RAPGEF5: variants seen among roughly 807,000 people sequenced by gnomAD.
RAPGEF5 encodes the protein Rap guanine nucleotide exchange factor 5, also known as M-Ras-regulated GEF.
In RAPGEF5, 65 loss-of-function variants were observed where a neutral mutation model predicts 125.2. That is an observed-to-expected ratio of 0.52 (90% confidence interval 0.43 to 0.64). The LOEUF is 0.64. Among genes scored for constraint, RAPGEF5 ranks in the 30% least tolerant of loss-of-function variants. The pLI, the probability that RAPGEF5 is intolerant of heterozygous loss-of-function variation, is 0.00. For missense variants in RAPGEF5, 958 were observed against 1,048.1 expected (o/e 0.91, Z 1.19); for synonymous variants, 391 against 385.9 (o/e 1.01, Z -0.16).
chr7:22,233,822 C>T (rs975720061), intron 7 of RAPGEF5, among the ~76,000 whole-genome samples: 1 of 152,112 alleles, frequency 6.6e-6, no homozygotes, highest in African/African-American at 2.4e-5. Flanking sequence ...TCTAGCTTAT[C>T]CCCAACAACA....
intron 18 of RAPGEF5, among the ~76,000 whole-genome samples, chr7:22,147,858 T>C (rs948712044): frequency 6.6e-6 from 1 of 152,186 alleles, no homozygotes; most frequent in African/African-American, 2.4e-5. Flanking sequence ...ATAAATGACA[T>C]AGTAGGATAA....
chr7:22,200,616 T>A (rs1442560077), intron 9 of RAPGEF5, among the ~76,000 whole-genome samples: 1 of 152,204 alleles, frequency 6.6e-6, no homozygotes, highest in Non-Finnish European at 1.5e-5. Flanking sequence ...CTGACTTTTA[T>A]AGATATGAAA....
chr7:22,191,771 C>A (rs984504020), intron 11 of RAPGEF5: 2 of 414,728 alleles, frequency 4.8e-6, no homozygotes, highest in African/African-American at 4.1e-5. Flanking sequence ...GTAGTGGGAA[C>A]CTGTGAGCAC....
In RAPGEF5 at chr7:22,194,045, G is replaced by C. The variant is rs1233272954; in HGVS notation, c.997-12C>G. On this transcript the variant is annotated splice_polypyrimidine_tract_variant and intron_variant, in intron 9 of 25. Coordinates refer to ENST00000665637, the MANE Select transcript of RAPGEF5 (RefSeq NM_012294.5). Reference sequence around the variant, plus strand: ...ACTTCATCATCTTGCTTTAATTGTGGACAGGGATGATGGATGAGAGAAGGA... The same window carrying C: ...ACTTCATCATCTTGCTTTAATTGTGCACAGGGATGATGGATGAGAGAAGGA... 6.2e-7 allele frequency: 1 copy of C among 1,600,830 alleles called. No homozygotes were observed. The highest frequency in any genetic ancestry group is 8.5e-7 in the Non-Finnish European group (1 of 1,170,612).
intron 1 of RAPGEF5, among the ~76,000 whole-genome samples, chr7:22,318,372 T>C (rs763267236): frequency 6.6e-6 from 1 of 152,164 alleles, no homozygotes; most frequent in Non-Finnish European, 1.5e-5. Context: ...TCACCCTAAC[T>C]CAGGCCTTCA....
intron 24 of RAPGEF5, among the ~76,000 whole-genome samples, chr7:22,128,224 A>T (rs1269787029): frequency 6.6e-6 from 1 of 152,176 alleles, no homozygotes; most frequent in African/African-American, 2.4e-5. Context: ...ACATCGAGGG[A>T]TAAAGAGAAG....
chr7:22,195,614 T>C (rs1028032253), intron 9 of RAPGEF5, among the ~76,000 whole-genome samples: 28 of 152,190 alleles, frequency 1.8e-4, no homozygotes, highest in African/African-American at 6.5e-4. Flanking sequence ...GTAACATGAA[T>C]ACCAATGTGT....
rs1301722741 is a variant in RAPGEF5 at position 22,146,905 on chromosome 7, T to C, written c.1999A>G (p.Ile667Val). The C allele has an allele frequency of 1.9e-6, 3 of 1,609,294 alleles. No individual in the cohort carries two copies. Among genetic ancestry groups the C allele is most frequent in the Non-Finnish European group, 2.5e-6 (3 of 1,178,776 alleles). The change falls in exon 19 of 26, where the codon ATT (isoleucine) becomes GTT (valine). Residue 667 changes from isoleucine (I) to valine (V), a missense_variant. By Grantham distance (29) the Ile-to-Val change is conservative (BLOSUM62 3). Coordinates refer to ENST00000665637, the MANE Select transcript of RAPGEF5 (RefSeq NM_012294.5). ...MNFDWSLFNS[I>V]HEQELIYFTF... ...TGTCACTCCTCATTTACCTCGTGAA[T>C]TGAATTGAATAGACTCCAATCAAAA...
At chr7:22,208,133 C>T (rs757090370) in intron 9 of RAPGEF5, among the ~76,000 whole-genome samples, 2 of 152,172 alleles carry the variant, frequency 1.3e-5, no homozygotes, top group Non-Finnish European at 2.9e-5. Context: ...TTGGGGCTCA[C>T]ATCACACCTT....
At chr7:22,153,887 A>G (rs1411732872) in intron 17 of RAPGEF5, among the ~76,000 whole-genome samples, 6 of 152,216 alleles carry the variant, frequency 3.9e-5, no homozygotes, top group Non-Finnish European at 8.8e-5. Context: ...TCAGCTTGTA[A>G]TCTGTGTGAT....
chr7:22,180,291 C>T (rs147999462), intron 11 of RAPGEF5, among the ~76,000 whole-genome samples: 2 of 152,234 alleles, frequency 1.3e-5, no homozygotes, highest in East Asian at 1.9e-4. Flanking sequence ...GGGCATGTTG[C>T]TCCCCTGATA....
intron 1 of RAPGEF5, among the ~76,000 whole-genome samples, chr7:22,323,242 A>G (rs1462139952): frequency 6.6e-6 from 1 of 152,196 alleles, no homozygotes; most frequent in Non-Finnish European, 1.5e-5. Flanking sequence ...TTGACTTCCC[A>G]TTGTTAAAGG....
rs958091610 is a variant in RAPGEF5 at position 22,333,121 on chromosome 7, T to C, written c.232-15084A>G. Among the ~76,000 whole-genome samples the C allele has an allele frequency of 2.0e-5, 3 of 152,350 alleles. No individual in the cohort carries two copies. In the East Asian group the frequency reaches 5.8e-4, roughly 29 times the overall value. On this transcript the variant is annotated intron_variant, in intron 1 of 25. Transcript: ENST00000665637. The stretch of plus-strand genomic sequence containing the variant: ...CATATTAAATGCTAACATTTCACTA[T>C]AGTGATTCTATAATTCTCATGTTAA...
chr7:22,229,924 A>G (rs1306908248), intron 8 of RAPGEF5, among the ~76,000 whole-genome samples: 1 of 152,248 alleles, frequency 6.6e-6, no homozygotes, highest in East Asian at 1.9e-4. Context: ...TGTATGTCCT[A>G]CAGATACACA....
At chr7:22,146,645 A>C (rs1423589561) in intron 19 of RAPGEF5, among the ~76,000 whole-genome samples, 3 of 152,168 alleles carry the variant, frequency 2.0e-5, no homozygotes, top group Non-Finnish European at 4.4e-5. Flanking sequence ...ACATATATAT[A>C]TTTATATGCA....
chr7:22,124,157 T>TA (rs1469516352), intron 25 of RAPGEF5, among the ~76,000 whole-genome samples: 1 of 152,226 alleles, frequency 6.6e-6, no homozygotes, highest in African/African-American at 2.4e-5. Flanking sequence ...CACAAGTTAG[T>TA]ATAACTATCA....
At position 22,315,371 on chromosome 7, in the gene RAPGEF5, T is replaced by A; in HGVS notation, c.388A>T (p.Arg130Trp). 1.3e-6 allele frequency: 2 copies of A among 1,541,266 alleles called. No individual in the cohort carries two copies. The highest frequency in any genetic ancestry group is 1.8e-6 in the Non-Finnish European group (2 of 1,142,480). The change falls in exon 3 of 26, where the codon AGG becomes TGG. Residue 130 changes from arginine (R) to tryptophan (W), a missense_variant and splice_region_variant. Coordinates refer to ENST00000665637, the MANE Select transcript of RAPGEF5 (RefSeq NM_012294.5). ...KDRVNLKGFY[R>W]RSCVGSELVD... ...CAAGGTGTTAGAAAACTGTGTTACC[T>A]GTAAAACCCCTTGAGGTTCACTCTG... is the stretch of plus-strand genomic sequence containing the variant.
At chr7:22,191,223 A>G (rs1398073897) in intron 11 of RAPGEF5, among the ~76,000 whole-genome samples, 2 of 152,090 alleles carry the variant, frequency 1.3e-5, no homozygotes, top group Non-Finnish European at 2.9e-5. Flanking sequence ...TTTATTTTAT[A>G]TTTATTATAT....
At position 22,140,072 on chromosome 7, in the gene RAPGEF5, T is replaced by A; in HGVS notation, c.2230A>T (p.Met744Leu). The A allele has an allele frequency of 6.4e-7, 1 of 1,567,068 alleles. No individual in the cohort carries two copies. The change falls in exon 21 of 26, where the codon ATG becomes TTG. Residue 744 changes from methionine (M) to leucine (L), a missense_variant. Coordinates refer to ENST00000665637, the MANE Select transcript of RAPGEF5 (RefSeq NM_012294.5). Reference sequence around the variant, plus strand: ...CTGACAGAAGCAGTGTTGAGACCCATCACAATGGCAAAGAAAGAATTCAGG... The same window carrying A: ...CTGACAGAAGCAGTGTTGAGACCCAACACAATGGCAAAGAAAGAATTCAGG... Reference protein sequence around the residue: ...RNLNSFFAIVMGLNTASVSRL... With the variant: ...RNLNSFFAIVLGLNTASVSRL...
Sources: gnomAD v4.1 joint callset for allele counts (sites outside exome capture counted in the v4.1 genomes callset) on GRCh38, gnomAD v4.1.1 for gene constraint, MANE v1.5 for transcripts, NCBI Gene and HGNC (gene_info 2026-07-23, HGNC 2026-07-21) for gene names.